PTCD3: variants seen among roughly 807,000 people sequenced by gnomAD.
The protein encoded by PTCD3 is small ribosomal subunit protein mS39.
PTCD3 carries 89 observed loss-of-function variants against 101.9 expected under a neutral mutation model. That is an observed-to-expected ratio of 0.87 (90% CI 0.74 to 1.04). PTCD3 has a LOEUF of 1.04. Ranked by LOEUF, PTCD3 falls within the 50% of genes least tolerant of loss-of-function variation. The pLI is 0.00. For missense variants in PTCD3, 870 were observed against 828.2 expected (o/e 1.05, Z -0.62); for synonymous variants, 296 against 278.5 (o/e 1.06, Z -0.63).
chr2:86,116,726 T>A, intron 5 of PTCD3, 128 bp downstream of exon 5: 1 of 720,294 alleles, frequency 1.4e-6, no homozygotes, highest in Non-Finnish European at 2.4e-6. Context: ...ACTATGTGAA[T>A]CCTTTACTAC....
intron 16 of PTCD3, 102 bp from the exon 17 acceptor site, chr2:86,132,216 G>T: frequency 1.5e-6 from 1 of 649,548 alleles, no homozygotes; most frequent in South Asian, 2.6e-5. Context: ...ATAATATGTT[G>T]AATCAACATT....
chr2:86,125,959 G>GCCACCACACC, intron 12 of PTCD3, 79 bp downstream of exon 12: 1 of 1,061,006 alleles, frequency 9.4e-7, no homozygotes, highest in Non-Finnish European at 1.4e-6. Flanking sequence ...GCCAGGTGTG[G>GCCACCACACC]TGGCTCAAAC....
chr2:86,121,436 C>T (rs1194677139), intron 7 of PTCD3, 43 bp from the exon 8 acceptor site: 1 of 1,278,720 alleles, frequency 7.8e-7, no homozygotes, highest in Non-Finnish European at 1.1e-6. Context: ...TTTAGTTCTT[C>T]ATTGTTTCAA....
At chr2:86,133,851 C>T (rs1023796561) in intron 19 of PTCD3, among the ~76,000 whole-genome samples, 3 of 152,198 alleles carry the variant, frequency 2.0e-5, no homozygotes, top group African/African-American at 4.8e-5. Flanking sequence ...ATGAGCATCA[C>T]GCATCACGGG....
intron 4 of PTCD3, among the ~76,000 whole-genome samples, chr2:86,114,217 AG>A (rs1674140499): frequency 1.3e-5 from 2 of 152,264 alleles, no homozygotes; most frequent in South Asian, 4.1e-4. Context: ...GTAGTTCTAG[AG>A]GGGAAGACTG....
rs759923508 is a variant in PTCD3, at chr2:86,134,305, T to C, written c.1557T>C (p.Tyr519=). The C allele has an allele frequency of 6.2e-7, 1 of 1,610,032 alleles. No homozygotes were observed. The highest frequency in any genetic ancestry group is 8.5e-7 in the Non-Finnish European group (1 of 1,176,294). Residue 519 remains tyrosine (Y), a synonymous_variant, in exon 20 of 24, where the codon TAT becomes TAC. Transcript: ENST00000254630. ...TCTTGTTTCAAGATAGTAAAGAATA[T>C]GGTCATACTTTCCGCAGTGACCTGA... ...IPKIWKDSKE[Y]GHTFRSDLRE... is the part of the protein sequence containing the mutation.
chr2:86,107,222 C>G (rs1386478226), intron 1 of PTCD3: 1 of 471,154 alleles, frequency 2.1e-6, no homozygotes, highest in African/African-American at 2.0e-5. Context: ...TAGCATTTTT[C>G]TACTCATTTT....
At chr2:86,135,891 G>C (rs745622655) in intron 21 of PTCD3, 1 of 518,252 alleles carries the variant, frequency 1.9e-6, no homozygotes, top group Non-Finnish European at 3.9e-6. Flanking sequence ...GATTGGCGCA[G>C]GGGTACGGAC....
At chr2:86,133,477 A>C in intron 19 of PTCD3, 41 bp downstream of exon 19, 1 of 1,503,906 alleles carries the variant, frequency 6.6e-7, no homozygotes. Flanking sequence ...ATCTCACCTC[A>C]ATATCCTCTA....
At chr2:86,111,199 C>T in intron 4 of PTCD3, 41 bp downstream of exon 4, 1 of 1,519,558 alleles carries the variant, frequency 6.6e-7, no homozygotes, top group Non-Finnish European at 9.1e-7. Context: ...TAAAACTTGG[C>T]TAATAACACA....
intron 6 of PTCD3, among the ~76,000 whole-genome samples, chr2:86,118,588 C>T (rs755587894): frequency 7.2e-5 from 11 of 152,182 alleles, no homozygotes; most frequent in South Asian, 4.1e-4. Flanking sequence ...GAATGCCTTT[C>T]GTCTCTGTAT....
rs1474202153 is a variant in PTCD3 at position 86,137,564 on chromosome 2, G to A, written c.*5G>A. ...GACACCAGTGAAGGCAAATGAAAGT[G>A]GAGATTCAGGAGCAGCAATGGGTCT... is the stretch of plus-strand genomic sequence containing the variant. On this transcript the variant is annotated 3_prime_UTR_variant, in exon 24 of 24. Coordinates refer to ENST00000254630, the MANE Select transcript of PTCD3 (RefSeq NM_017952.6). The A allele has an allele frequency of 1.3e-6, 2 of 1,536,338 alleles. No homozygotes were observed. Among genetic ancestry groups the A allele is most frequent in the East Asian group, 4.8e-5 (2 of 41,590 alleles).
intron 10 of PTCD3, 92 bp downstream of exon 10, chr2:86,125,174 T>C (rs772718180): frequency 5.0e-5 from 76 of 1,533,894 alleles, no homozygotes; most frequent in Non-Finnish European, 6.5e-5. Context: ...AGGTAATTTG[T>C]TGTGGGGTCT....
At chr2:86,136,062 G>C (rs896360515) in intron 21 of PTCD3, 3 of 517,720 alleles carry the variant, frequency 5.8e-6, no homozygotes, top group African/African-American at 5.8e-5. Flanking sequence ...TTAAGAGAGG[G>C]AAACAGCAGG....
intron 13 of PTCD3, 174 bp from the exon 14 acceptor site, chr2:86,127,767 T>C (rs1026317622): frequency 2.5e-5 from 15 of 609,138 alleles, no homozygotes; most frequent in Non-Finnish European, 3.7e-5. Flanking sequence ...TGTGATAGTT[T>C]TTTACCTTTA....
chr2:86,137,588 C>G lies in PTCD3; in HGVS notation c.*29C>G. The G allele has an allele frequency of 2.5e-6, 4 of 1,611,460 alleles. No individual in the cohort carries two copies. The highest frequency in any genetic ancestry group is 3.4e-6 in the Non-Finnish European group (4 of 1,178,812). On this transcript the variant is annotated 3_prime_UTR_variant, in exon 24 of 24. Coordinates refer to ENST00000254630, the MANE Select transcript of PTCD3 (RefSeq NM_017952.6). ...TGGAGATTCAGGAGCAGCAATGGGTCTCACCATAGCTGCTGGAATCACACC... is the reference window on the plus strand; with the variant it reads ...TGGAGATTCAGGAGCAGCAATGGGTGTCACCATAGCTGCTGGAATCACACC...
chr2:86,142,001 G>T lies in PTCD3; in HGVS notation c.*4442G>T, dbSNP rs1674694709. 1 of 152,186 alleles carries T rather than the reference G, an allele frequency of 6.6e-6. No individual in the cohort carries two copies. Among genetic ancestry groups the T allele is most frequent in the Non-Finnish European group, 1.5e-5 (1 of 68,068 alleles). The allele number at this position is 152,186 out of a possible 1,614,324, so 9.4% of individuals were successfully genotyped here. ...TTAAGCACGAGGAAGGAAAATACAG[G>T]CCTGGCCAAGCAGGGTCCCCTTTTC... is the stretch of plus-strand genomic sequence containing the variant. On this transcript the variant is annotated 3_prime_UTR_variant, in exon 24 of 24. Transcript: ENST00000254630.
In PTCD3 at chr2:86,131,090, A is replaced by T; in HGVS notation, c.1250A>T (p.Gln417Leu). 1 of 1,603,368 alleles carries T rather than the reference A, an allele frequency of 6.2e-7. No individual in the cohort carries two copies. Among genetic ancestry groups the T allele is most frequent in the East Asian group, 2.2e-5 (1 of 44,538 alleles). The change falls in exon 16 of 24, where the codon CAG becomes CTG. Residue 417 changes from glutamine (Q) to leucine (L), a missense_variant. Transcript: ENST00000254630. ...PKDPDDDKFF[Q>L]SAMSICSSLR... is the part of the protein sequence containing the mutation. ...CTTTGATTTTCAGATAAGTTTTTTC[A>T]GTCAGCCATGAGCATAGTAAGTATC... is the stretch of plus-strand genomic sequence containing the variant.
chr2:86,125,536 C>A, intron 11 of PTCD3, 21 bp downstream of exon 11: 1 of 1,577,944 alleles, frequency 6.3e-7, no homozygotes, highest in Non-Finnish European at 8.7e-7. Flanking sequence ...GAACTCCCCT[C>A]TGTCCCTTTC....
Sources: allele counts gnomAD v4.1 joint callset (sites outside exome capture counted in the v4.1 genomes callset), GRCh38; gene constraint gnomAD v4.1.1; transcripts MANE v1.5; gene names NCBI Gene and HGNC (gene_info 2026-07-23, HGNC 2026-07-21).